The following RAP1GAP variants were observed in gnomAD, a reference collection of about 807,000 sequenced individuals.
RAP1GAP encodes the protein rap1 GTPase-activating protein 1.
A neutral mutation model predicts 87.2 loss-of-function variants in RAP1GAP; 35 were observed. The observed-to-expected ratio is 0.40, with a 90% CI of 0.31 to 0.53. RAP1GAP has a LOEUF of 0.53. RAP1GAP is among the 20% of genes least tolerant of loss of function. The pLI, the probability that RAP1GAP is intolerant of heterozygous loss-of-function variation, is 0.48. For missense variants in RAP1GAP, 734 were observed against 898.9 expected (o/e 0.82, Z 2.35); for synonymous variants, 375 against 363.9 (o/e 1.03, Z -0.35).
At chr1:21,656,806 C>T (rs1003801367) in intron 1 of RAP1GAP, among the ~76,000 whole-genome samples, 4 of 152,340 alleles carry the variant, frequency 2.6e-5, no homozygotes, top group Non-Finnish European at 5.9e-5. Context: ...ATACCTGCCC[C>T]CACTCAGGCC....
At position 21,602,350 on chromosome 1, in the gene RAP1GAP, G is replaced by A. The variant is rs1172423824; in HGVS notation, c.1538+454C>T. Among the ~76,000 whole-genome samples the A allele has an allele frequency of 2.0e-5, 3 of 152,222 alleles. No homozygotes were observed. In the East Asian group the frequency reaches 5.8e-4, roughly 29 times the overall value. On this transcript the variant is annotated intron_variant, in intron 19 of 24. Transcript: ENST00000374765. ...TGGTTAATATCGGGGAGGCAGCCGG[G>A]AGCTAGCCTCTGATGTCCGGGGGCA...
At chr1:21,611,304 C>G in intron 13 of RAP1GAP, 148 bp downstream of exon 13, 1 of 1,192,728 alleles carries the variant, frequency 8.4e-7, no homozygotes, top group Non-Finnish European at 1.2e-6. Context: ...TCTCCCCTGA[C>G]CCAACGAGAC....
At chr1:21,617,834 G>T in intron 6 of RAP1GAP, 100 bp downstream of exon 6, 1 of 1,513,040 alleles carries the variant, frequency 6.6e-7, no homozygotes, top group Non-Finnish European at 9.2e-7. Flanking sequence ...AGCAAGGCCT[G>T]CAGGTCAGGC....
At chr1:21,607,080 G>A (rs1225376065) in intron 17 of RAP1GAP, among the ~76,000 whole-genome samples, 1 of 152,230 alleles carries the variant, frequency 6.6e-6, no homozygotes, top group East Asian at 1.9e-4. Context: ...AGCTCCAGCT[G>A]TGTGACCTGT....
chr1:21,637,760 T>G (rs1243937209), intron 2 of RAP1GAP, among the ~76,000 whole-genome samples: 1 of 152,090 alleles, frequency 6.6e-6, no homozygotes, highest in Non-Finnish European at 1.5e-5. Flanking sequence ...AAAAGGGGGT[T>G]TGAGGCATAT....
chr1:21,664,282 A>AG (rs1261979222), intron 1 of RAP1GAP, among the ~76,000 whole-genome samples: 1 of 152,184 alleles, frequency 6.6e-6, no homozygotes, highest in Non-Finnish European at 1.5e-5. Flanking sequence ...GAAACAGGCG[A>AG]GGGGGCCATC....
chr1:21,669,340 TCGC>T lies in RAP1GAP; in HGVS notation c.-238_-236del, dbSNP rs1020919408. The T allele has an allele frequency of 4.6e-6, 5 of 1,075,402 alleles. No homozygotes were observed. The South Asian group carries it at 6.7e-5, about 14-fold the overall frequency. 66.6% of individuals were successfully genotyped at this position (1,075,402 alleles called of 1,614,324 possible). On this transcript the variant is annotated 5_prime_UTR_variant, in exon 1 of 25. Coordinates refer to ENST00000374765, the MANE Select transcript of RAP1GAP (RefSeq NM_002885.4). The surrounding 1 kb of genome is among the most constrained non-coding windows in gnomAD (Gnocchi z 5.6). ...AGCTCTGCTCAGATGCGGCCGGCGC[TCGC>T]CGCCGCCGCAGTTCGGGGAGGGGGA...
At chr1:21,598,345 C>A in intron 22 of RAP1GAP, 55 bp downstream of exon 22, 1 of 1,487,482 alleles carries the variant, frequency 6.7e-7, no homozygotes, top group Non-Finnish European at 9.4e-7. Flanking sequence ...CAGCCCTGTC[C>A]CCCTCCTACC....
At chr1:21,604,043 A>G in intron 18 of RAP1GAP, 1 of 744,484 alleles carries the variant, frequency 1.3e-6, no homozygotes, top group Non-Finnish European at 2.2e-6. Flanking sequence ...AGAAAAAGGA[A>G]GAGAACGGTG....
intron 2 of RAP1GAP, among the ~76,000 whole-genome samples, chr1:21,633,735 C>T (rs910515843): frequency 6.6e-6 from 1 of 152,086 alleles, no homozygotes; most frequent in African/African-American, 2.4e-5. Context: ...GAACAGGGGC[C>T]TGAGGGGTTC....
chr1:21,600,074 G>A (rs569141821), intron 20 of RAP1GAP, among the ~76,000 whole-genome samples: 1 of 152,268 alleles, frequency 6.6e-6, no homozygotes, highest in Non-Finnish European at 1.5e-5. Flanking sequence ...ACACAGCCCA[G>A]GGTCACTCAG....
At chr1:21,618,061 T>G (rs929570424) in intron 5 of RAP1GAP, 89 bp from the exon 6 acceptor site, 121 of 1,524,814 alleles carry the variant, frequency 7.9e-5, no homozygotes, top group Non-Finnish European at 1.0e-4. Context: ...GCCTCAGGGC[T>G]GAGAGTGCGG....
At position 21,603,619 on chromosome 1, in the gene RAP1GAP, G is replaced by A; in HGVS notation, c.1429-706C>T. On this transcript the variant is annotated intron_variant, in intron 18 of 24. Coordinates refer to ENST00000374765, the MANE Select transcript of RAP1GAP (RefSeq NM_002885.4). The surrounding 1 kb of genome is among the most constrained non-coding windows in gnomAD (Gnocchi z 6.0). ...GGTCCCAGGGGCCAAGGCAGGGCCA[G>A]AAGCCCCTGGTGAGGGGCACTGGCT... 1 of 728,716 alleles carries A rather than the reference G, an allele frequency of 1.4e-6. No individual in the cohort carries two copies. Among genetic ancestry groups the A allele is most frequent in the Non-Finnish European group, 2.5e-6 (1 of 399,584 alleles). The allele number at this position is 728,716 out of a possible 1,614,324, so 45.1% of individuals were successfully genotyped here.
chr1:21,651,454 T>C (rs1165238502), intron 1 of RAP1GAP: 8 of 586,142 alleles, frequency 1.4e-5, no homozygotes, highest in Non-Finnish European at 2.7e-5. Flanking sequence ...ACAGGCGGAG[T>C]AGCCCCGCAG....
chr1:21,658,739 A>T (rs1172566944), intron 1 of RAP1GAP, among the ~76,000 whole-genome samples: 1 of 151,978 alleles, frequency 6.6e-6, no homozygotes, highest in Non-Finnish European at 1.5e-5. Context: ...TAATTTTTTT[A>T]AATCTAAGGG....
intron 2 of RAP1GAP, among the ~76,000 whole-genome samples, chr1:21,633,659 C>A (rs1053404619): frequency 2.7e-5 from 4 of 149,440 alleles, no homozygotes; most frequent in African/African-American, 9.9e-5. Context: ...TCTGGAAGGG[C>A]GGGGGAGGGG....
chr1:21,665,381 G>C, intron 1 of RAP1GAP: 1 of 380,050 alleles, frequency 2.6e-6, no homozygotes, highest in Non-Finnish European at 5.5e-6. Context: ...ACAAAGCACC[G>C]GGCTGTGGCA....
At chr1:21,627,230 C>T (rs2092477888) in intron 2 of RAP1GAP, among the ~76,000 whole-genome samples, 1 of 152,204 alleles carries the variant, frequency 6.6e-6, no homozygotes, top group Admixed American at 6.5e-5. Flanking sequence ...GACGTGGCTG[C>T]ACCTCTGCTC....
At chr1:21,632,405 G>A (rs562323485) in intron 2 of RAP1GAP, among the ~76,000 whole-genome samples, 45 of 152,254 alleles carry the variant, frequency 3.0e-4, no homozygotes, top group African/African-American at 1.0e-3. Flanking sequence ...CTCACTCCTG[G>A]GACTCTCACC....
Sources: allele counts gnomAD v4.1 joint callset (sites outside exome capture counted in the v4.1 genomes callset), GRCh38; gene constraint gnomAD v4.1.1; non-coding constraint Gnocchi (gnomAD v3.1); transcripts MANE v1.5; gene names NCBI Gene and HGNC (gene_info 2026-07-23, HGNC 2026-07-21).